The following SCHIP1 variants were observed in gnomAD, a reference collection of about 807,000 sequenced individuals.
SCHIP1 encodes the protein schwannomin-interacting protein 1.
SCHIP1 carries 8 observed loss-of-function variants against 29.7 expected under a neutral mutation model. The observed-to-expected ratio is 0.27, with a 90% CI of 0.16 to 0.49. The LOEUF (loss-of-function observed/expected upper bound fraction) is 0.49. SCHIP1 is among the 20% of genes least tolerant of loss of function. The pLI, the probability that SCHIP1 is intolerant of heterozygous loss-of-function variation, is 0.99. For missense variants in SCHIP1, 193 were observed against 294.6 expected, an observed-to-expected ratio of 0.66 and a Z score of 2.52; for synonymous variants, 76 against 94.9, an observed-to-expected ratio of 0.80 and a Z score of 1.16.
chr3:159,850,452 G>A (rs565074544), intron 1 of SCHIP1, among the ~76,000 whole-genome samples: 1 of 150,616 alleles, frequency 6.6e-6, no homozygotes, highest in South Asian at 2.1e-4. Context: ...TACTTGAGAG[G>A]CTGAAATCGA....
chr3:159,308,203 A>G, the SCHIP1 span, among the ~76,000 whole-genome samples: 1 of 152,096 alleles, frequency 6.6e-6, no homozygotes. Flanking sequence ...CTTTCAGTCC[A>G]TGAGCATGGC....
chr3:159,278,636 T>C, the SCHIP1 span, among the ~76,000 whole-genome samples: 4 of 152,192 alleles, frequency 2.6e-5, no homozygotes, highest in African/African-American at 9.6e-5. Flanking sequence ...TTGTCATCTA[T>C]TCTTTTATAA....
chr3:159,827,744 G>T, the SCHIP1 span, among the ~76,000 whole-genome samples: 3 of 151,768 alleles, frequency 2.0e-5, no homozygotes, highest in East Asian at 5.8e-4. Context: ...AGCGGAGCTT[G>T]CAGTGAGCCG....
At chr3:159,799,727 C>T in the SCHIP1 span, among the ~76,000 whole-genome samples, 1 of 152,276 alleles carries the variant, frequency 6.6e-6, no homozygotes, top group Non-Finnish European at 1.5e-5. Flanking sequence ...GAGCCTGGCA[C>T]ACAGAAGTTT....
the SCHIP1 span, among the ~76,000 whole-genome samples, chr3:159,634,366 G>A: frequency 6.6e-6 from 1 of 152,076 alleles, no homozygotes; most frequent in Non-Finnish European, 1.5e-5. Context: ...GTATTACTTT[G>A]GTTAACAAAT....
At chr3:159,871,362 G>C (rs916524421) in intron 2 of SCHIP1, among the ~76,000 whole-genome samples, 2 of 131,806 alleles carry the variant, frequency 1.5e-5, no homozygotes, top group Non-Finnish European at 3.3e-5. Context: ...TGTTTGTTGG[G>C]GGGGGTGGGG....
chr3:159,322,681 C>A, the SCHIP1 span, among the ~76,000 whole-genome samples: 2 of 152,146 alleles, frequency 1.3e-5, no homozygotes, highest in Non-Finnish European at 2.9e-5. Context: ...CTTCACTAGG[C>A]ACAAAAATGT....
At chr3:159,808,740 G>A in the SCHIP1 span, among the ~76,000 whole-genome samples, 1 of 152,102 alleles carries the variant, frequency 6.6e-6, no homozygotes, top group Non-Finnish European at 1.5e-5. Context: ...CCAGGGTGTG[G>A]CTGTCTGCAG....
the SCHIP1 span, among the ~76,000 whole-genome samples, chr3:159,301,367 T>C: frequency 6.6e-6 from 1 of 151,962 alleles, no homozygotes; most frequent in Non-Finnish European, 1.5e-5. Flanking sequence ...GTTTATGTAC[T>C]TAACACGACT....
At chr3:159,680,743 A>T in the SCHIP1 span, among the ~76,000 whole-genome samples, 493 of 15,412 alleles carry the variant, frequency 0.032, 1 homozygote, top group East Asian at 0.087. Flanking sequence ...ATACATATAT[A>T]ATATATGCTT....
chr3:159,302,311 A>G, the SCHIP1 span, among the ~76,000 whole-genome samples: 1 of 151,012 alleles, frequency 6.6e-6, no homozygotes. Flanking sequence ...ACTTGCAGAA[A>G]TAACTCATAT....
chr3:159,360,843 A>G, the SCHIP1 span, among the ~76,000 whole-genome samples: 521 of 152,290 alleles, frequency 3.4e-3, 3 homozygotes, highest in Middle Eastern at 0.024. Flanking sequence ...GCTATGGTGT[A>G]CAATGCTGGA....
chr3:159,570,734 G>A, the SCHIP1 span, among the ~76,000 whole-genome samples: 1 of 152,136 alleles, frequency 6.6e-6, no homozygotes, highest in Non-Finnish European at 1.5e-5. Flanking sequence ...ATTACTTTGG[G>A]CAGTATGACC....
At chr3:159,398,968 C>A in the SCHIP1 span, 1 of 983,338 alleles carries the variant, frequency 1.0e-6, no homozygotes. Flanking sequence ...GGCAATTTGC[C>A]CAGTCTACAG....
chr3:159,274,029 G>A, the SCHIP1 span: 1 of 1,465,960 alleles, frequency 6.8e-7, no homozygotes. Flanking sequence ...AAGCATTTAA[G>A]GTATATTGGA....
chr3:159,763,093 G>A, the SCHIP1 span, among the ~76,000 whole-genome samples: 2 of 152,156 alleles, frequency 1.3e-5, no homozygotes, highest in Admixed American at 6.5e-5. Flanking sequence ...GTGCAGCCCG[G>A]AGGGGAAGGG....
chr3:159,825,773 GA>G, the SCHIP1 span, among the ~76,000 whole-genome samples: 33 of 149,194 alleles, frequency 2.2e-4, no homozygotes, highest in Admixed American at 1.0e-3. Context: ...AAATTAGAGG[GA>G]AAAAAAAACA....
the SCHIP1 span, among the ~76,000 whole-genome samples, chr3:159,437,777 A>G: frequency 6.6e-6 from 1 of 152,170 alleles, no homozygotes; most frequent in Non-Finnish European, 1.5e-5. Flanking sequence ...TAGTTTTATG[A>G]GACAAGGTTT....
the SCHIP1 span, among the ~76,000 whole-genome samples, chr3:159,530,908 T>C: frequency 6.6e-6 from 1 of 152,170 alleles, no homozygotes; most frequent in Non-Finnish European, 1.5e-5. Context: ...TACCCTTCTG[T>C]GTTGCCCAGT....
Sources: gnomAD v4.1 joint callset for allele counts (sites outside exome capture counted in the v4.1 genomes callset) on GRCh38, gnomAD v4.1.1 for gene constraint, MANE v1.5 for transcripts, NCBI Gene and HGNC (gene_info 2026-07-23, HGNC 2026-07-21) for gene names.